Variants in PDGFRL observed in about 807,000 individuals in gnomAD.
PDGFRL encodes the protein platelet-derived growth factor receptor-like protein.
In PDGFRL, 46 loss-of-function variants were observed where a neutral mutation model predicts 37.2. The ratio of observed to expected loss-of-function variants is 1.24; its 90% confidence interval spans 0.98 to 1.58. PDGFRL has a LOEUF of 1.58. PDGFRL is among the 40% of genes most tolerant of loss of function. The probability of loss-of-function intolerance (pLI) is 0.00; values close to 1 mark genes in which losing one functional copy is unlikely to be tolerated. For missense variants in PDGFRL, 692 were observed against 467.6 expected (o/e 1.48, Z -4.43); for synonymous variants, 251 against 184.3 (o/e 1.36, Z -2.93).
At chr8:17,586,891 T>A (rs1803830154) in intron 1 of PDGFRL, among the ~76,000 whole-genome samples, 1 of 152,202 alleles carries the variant, frequency 6.6e-6, no homozygotes, top group African/African-American at 2.4e-5. Flanking sequence ...TATTTAATGG[T>A]TCTTGAATTT....
At chr8:17,640,438 C>A (rs561157462) in intron 5 of PDGFRL, among the ~76,000 whole-genome samples, 2 of 152,244 alleles carry the variant, frequency 1.3e-5, no homozygotes, top group East Asian at 3.9e-4. Flanking sequence ...GGCTCAAGGG[C>A]TGCTCTTCAT....
At chr8:17,587,849 C>T (rs1312796278) in intron 1 of PDGFRL, among the ~76,000 whole-genome samples, 1 of 152,128 alleles carries the variant, frequency 6.6e-6, no homozygotes, top group Non-Finnish European at 1.5e-5. Flanking sequence ...AGGCTGGTCT[C>T]AAACTTCTGA....
At position 17,642,836 on chromosome 8, in the gene PDGFRL, C is replaced by G. The variant is rs1206152733; in HGVS notation, c.*35C>G. ...GGAAATGTAATGAACTTATGGAAAG[C>G]CCATTTGTGTACACAGTCAGCTTTG... On this transcript the variant is annotated 3_prime_UTR_variant, in exon 6 of 6. Coordinates refer to ENST00000251630, the MANE Select transcript of PDGFRL (RefSeq NM_001372073.1). The G allele has an allele frequency of 3.6e-6, 5 of 1,398,232 alleles. No individual in the cohort carries two copies. The South Asian group carries it at 5.9e-5, about 16-fold the overall frequency. The allele number at this position is 1,398,232 out of a possible 1,614,324, so 86.6% of individuals were successfully genotyped here.
intron 2 of PDGFRL, among the ~76,000 whole-genome samples, chr8:17,611,873 A>T (rs1051575668): frequency 6.6e-6 from 1 of 152,200 alleles, no homozygotes; most frequent in East Asian, 1.9e-4. Context: ...GAGAGAGTCA[A>T]TGGTGATAGC....
intron 2 of PDGFRL, among the ~76,000 whole-genome samples, chr8:17,593,778 C>T (rs68055193): frequency 6.6e-6 from 1 of 151,614 alleles, no homozygotes; most frequent in African/African-American, 2.4e-5. Flanking sequence ...GTAATTCCAG[C>T]TAGGGAGGCT....
Position 17,621,218 on chromosome 8 carries a change from C to G in PDGFRL, c.505+16C>G. 1 of 1,581,116 alleles carries G rather than the reference C, an allele frequency of 6.3e-7. No homozygotes were observed. The highest frequency in any genetic ancestry group is 1.1e-5 in the South Asian group (1 of 88,514). On this transcript the variant is annotated intron_variant, in intron 3 of 5. Coordinates refer to ENST00000251630, the MANE Select transcript of PDGFRL (RefSeq NM_001372073.1). Reference sequence around the variant, plus strand: ...TTTTTTACAGGTAAAATACTTGGTGCATTAATGGAACTCTTCAAACTTCTG... The same window carrying G: ...TTTTTTACAGGTAAAATACTTGGTGGATTAATGGAACTCTTCAAACTTCTG...
intron 2 of PDGFRL, among the ~76,000 whole-genome samples, chr8:17,590,588 C>T (rs920263241): frequency 4.0e-5 from 6 of 148,928 alleles, no homozygotes; most frequent in Admixed American, 3.3e-4. Flanking sequence ...CATGCACCTG[C>T]AATTCCAGTT....
Position 17,589,558 on chromosome 8 carries a change from T to G in PDGFRL, c.146T>G (p.Ile49Ser). Residue 49 changes from isoleucine (I) to serine (S), a missense_variant, in exon 2 of 6, where the codon ATT becomes AGT. Coordinates refer to ENST00000251630, the MANE Select transcript of PDGFRL (RefSeq NM_001372073.1). ...ACCAACAAGAAGGTGAAGCCCAAAA[T>G]TCCTAAAATGAAGGACAGGGACTCA... ...KPTNKKVKPK[I>S]PKMKDRDSAN... 1 of 1,613,682 alleles carries G rather than the reference T, an allele frequency of 6.2e-7. No homozygotes were observed. The highest frequency in any genetic ancestry group is 8.5e-7 in the Non-Finnish European group (1 of 1,179,588).
At chr8:17,579,763 G>A (rs1436418009) in intron 1 of PDGFRL, among the ~76,000 whole-genome samples, 1 of 151,916 alleles carries the variant, frequency 6.6e-6, no homozygotes, top group Non-Finnish European at 1.5e-5. Flanking sequence ...GAAGCTGGCT[G>A]CTCCCAATGA....
chr8:17,633,228 A>C (rs137894354), intron 4 of PDGFRL, among the ~76,000 whole-genome samples: 5 of 152,284 alleles, frequency 3.3e-5, no homozygotes, highest in African/African-American at 1.2e-4. Context: ...CATGAGTTGC[A>C]GATCAGCTTG....
intron 2 of PDGFRL, among the ~76,000 whole-genome samples, chr8:17,591,954 ATC>A (rs1366722164): frequency 1.3e-5 from 2 of 152,160 alleles, no homozygotes; most frequent in East Asian, 1.9e-4. Context: ...GAGGGCAGGT[ATC>A]TCAGACTCTG....
chr8:17,639,059 A>G (rs1805039359), intron 5 of PDGFRL, among the ~76,000 whole-genome samples: 1 of 151,786 alleles, frequency 6.6e-6, no homozygotes, highest in Non-Finnish European at 1.5e-5. Context: ...AAACAAAACA[A>G]AACAAACAAA....
At chr8:17,577,398 C>G (rs1803609371) in intron 1 of PDGFRL, 91 bp downstream of exon 1, 1 of 1,132,350 alleles carries the variant, frequency 8.8e-7, no homozygotes, top group Non-Finnish European at 1.3e-6. Flanking sequence ...AGCTCTTGGT[C>G]TAACGTTCGG....
chr8:17,589,871 C>T, intron 2 of PDGFRL, 106 bp downstream of exon 2: 1 of 675,782 alleles, frequency 1.5e-6, no homozygotes, highest in Non-Finnish European at 2.5e-6. Context: ...TCCATTTTAC[C>T]CTAATAGATC....
chr8:17,601,494 G>A (rs1384437113), intron 2 of PDGFRL, among the ~76,000 whole-genome samples: 2 of 151,560 alleles, frequency 1.3e-5, no homozygotes, highest in East Asian at 1.9e-4. Flanking sequence ...TAGGTTGAGC[G>A]TGTATATGTG....
chr8:17,580,712 G>A (rs998514664), intron 1 of PDGFRL, among the ~76,000 whole-genome samples: 8 of 152,174 alleles, frequency 5.3e-5, no homozygotes, highest in African/African-American at 1.9e-4. Context: ...CACGGAATGG[G>A]AGGCTTTAAA....
intron 5 of PDGFRL, among the ~76,000 whole-genome samples, chr8:17,636,565 T>A (rs1423821543): frequency 1.1e-4 from 16 of 152,124 alleles, no homozygotes; most frequent in Admixed American, 7.9e-4. Flanking sequence ...GATTTGTTTT[T>A]TTTTTTTGCT....
At chr8:17,621,312 C>T in intron 3 of PDGFRL, 110 bp downstream of exon 3, 2 of 665,038 alleles carry the variant, frequency 3.0e-6, no homozygotes, top group Non-Finnish European at 2.5e-6. Flanking sequence ...CAGAGCACTT[C>T]CTGTTTGCCA....
chr8:17,622,029 T>C (rs1039552564), intron 3 of PDGFRL, among the ~76,000 whole-genome samples: 9 of 152,140 alleles, frequency 5.9e-5, no homozygotes, highest in African/African-American at 1.9e-4. Context: ...TTCCCAAAGA[T>C]TGTGGCTGTT....
Sources: allele counts gnomAD v4.1 joint callset (sites outside exome capture counted in the v4.1 genomes callset), GRCh38; gene constraint gnomAD v4.1.1; transcripts MANE v1.5; gene names NCBI Gene and HGNC (gene_info 2026-07-23, HGNC 2026-07-21).